The following ACOT7 variants were observed in gnomAD, a reference collection of about 807,000 sequenced individuals.
ACOT7 encodes the protein acyl-CoA thioesterase 7.
A neutral mutation model predicts 40.2 loss-of-function variants in ACOT7; 12 were observed. The observed-to-expected ratio is 0.30, with a 90% CI of 0.19 to 0.48. The LOEUF (loss-of-function observed/expected upper bound fraction) is 0.48. ACOT7 is among the 20% of genes least tolerant of loss of function. ACOT7 has a pLI of 0.99. For missense variants in ACOT7, 395 were observed against 530.8 expected (o/e 0.74, Z 2.51); for synonymous variants, 228 against 219.5 (o/e 1.04, Z -0.34).
chr1:6,355,992 G>C lies in ACOT7; in HGVS notation c.144-6126C>G, dbSNP rs976461171. Among the ~76,000 whole-genome samples, 4 of 152,218 alleles carry C rather than the reference G, an allele frequency of 2.6e-5. No individual in the cohort carries two copies. The highest frequency in any genetic ancestry group is 6.5e-5 in the Admixed American group (1 of 15,288). ...AAGCCACATGGAGCCTGAGTACTGG[G>C]TTGAATTGTGTCCCCCAAAAGATGT... On this transcript the variant is annotated intron_variant, in intron 1 of 8. Coordinates refer to ENST00000361521, the MANE Select transcript of ACOT7 (RefSeq NM_007274.4). This position sits in a 1 kb window ranked among gnomAD's most constrained non-coding sequence, Gnocchi z 5.0.
Position 6,393,448 on chromosome 1 carries a change from G to C in ACOT7, c.-49C>G. On this transcript the variant is annotated 5_prime_UTR_variant, in exon 1 of 9. Transcript: ENST00000361521. ...CGATGGGGCTGGTGAGGCGGGGCCT[G>C]CGCGCCGGGGGCAATCGAACGCGGC... is the stretch of plus-strand genomic sequence containing the variant. 1 of 1,065,162 alleles carries C rather than the reference G, an allele frequency of 9.4e-7. No homozygotes were observed. Among genetic ancestry groups the C allele is most frequent in the Non-Finnish European group, 1.1e-6 (1 of 906,774 alleles). 66.0% of individuals were successfully genotyped at this position (1,065,162 alleles called of 1,614,324 possible). A position where few individuals can be genotyped will look rare whatever the true frequency, so the allele number is the denominator to read the frequency against.
intron 2 of ACOT7, among the ~76,000 whole-genome samples, chr1:6,343,792 C>G (rs1641342522): frequency 6.6e-6 from 1 of 152,260 alleles, no homozygotes; most frequent in Non-Finnish European, 1.5e-5. Context: ...GTATGCTATG[C>G]TGACACAGAT....
chr1:6,339,636 C>T, intron 2 of ACOT7, 47 bp from the exon 3 acceptor site: 2 of 1,596,270 alleles, frequency 1.3e-6, no homozygotes, highest in Non-Finnish European at 1.7e-6. Context: ...CAGCCCAGCC[C>T]CGAGAGCCCC....
At position 6,306,282 on chromosome 1, in the gene ACOT7, T is replaced by C; in HGVS notation, c.713-11302A>G. On this transcript the variant is annotated intron_variant, in intron 6 of 8. Transcript: ENST00000361521. The surrounding 1 kb of genome is among the most constrained non-coding windows in gnomAD (Gnocchi z 4.3). Reference sequence around the variant, plus strand: ...CAAGACCTCAACCAAATACTCCATATTTCTGGAAAGGGGTCAGTGCCCCAT... The same window carrying C: ...CAAGACCTCAACCAAATACTCCATACTTCTGGAAAGGGGTCAGTGCCCCAT... The C allele has an allele frequency of 1.0e-6, 1 of 984,920 alleles. No individual in the cohort carries two copies. The highest frequency in any genetic ancestry group is 4.7e-5 in the South Asian group (1 of 21,246). 61.0% of individuals were successfully genotyped at this position (984,920 alleles called of 1,614,324 possible).
In ACOT7 at chr1:6,300,871, C is replaced by A. The variant is rs115696387; in HGVS notation, c.713-5891G>T. On this transcript the variant is annotated intron_variant, in intron 6 of 8. Transcript: ENST00000361521. ...CAACACCGGGTCTCACTGGACAACA[C>A]CCGATGAGGCAGCAGCCTCCCTGTC... Among the ~76,000 whole-genome samples, 1,306 of 152,298 alleles carry A rather than the reference C, an allele frequency of 8.6e-3. 12 individuals carry two copies. The highest frequency in any genetic ancestry group is 0.03 in the African/African-American group (1,246 of 41,526).
chr1:6,346,026 A>C (rs1468415913), intron 2 of ACOT7, among the ~76,000 whole-genome samples: 1 of 152,190 alleles, frequency 6.6e-6, no homozygotes, highest in Non-Finnish European at 1.5e-5. Context: ...CACTCTGTAC[A>C]AGCACAGCAG....
chr1:6,281,113 G>A lies in ACOT7; in HGVS notation c.1003C>T (p.Pro335Ser), dbSNP rs377058354. Residue 335 changes from proline (P) to serine (S), a missense_variant, in exon 8 of 9, where the codon CCC becomes TCC. Pro to Ser is a moderately conservative substitution (Grantham distance 74). Coordinates refer to ENST00000361521, the MANE Select transcript of ACOT7 (RefSeq NM_007274.4). ...LSQEGRSLPV[P>S]QLVPETEDEK... is the part of the protein sequence containing the mutation. ...GGATGCGCACTCACCACCAGCTGGG[G>A]CACAGGCAGCGACCTGCCTTCCTGG... 1.9e-6 allele frequency: 3 copies of A among 1,613,484 alleles called. 1 individual carries two copies. Among genetic ancestry groups the A allele is most frequent in the South Asian group, 2.2e-5 (2 of 91,064 alleles).
intron 4 of ACOT7, among the ~76,000 whole-genome samples, chr1:6,332,630 A>G (rs974026355): frequency 5.9e-5 from 9 of 152,158 alleles, no homozygotes; most frequent in Non-Finnish European, 1.2e-4. Flanking sequence ...CCTGGCTAAC[A>G]TGGAGAAATC....
At chr1:6,270,587 A>T (rs1054288768) in intron 8 of ACOT7, among the ~76,000 whole-genome samples, 2 of 152,354 alleles carry the variant, frequency 1.3e-5, no homozygotes, top group East Asian at 3.9e-4. Flanking sequence ...CAGCATGGCC[A>T]GGAGCAGGAC....
rs181421094 is a variant in ACOT7 at position 6,352,740 on chromosome 1, G to A, written c.144-2874C>T. ...TGGCACTACAGGCGCCCGCCACCAC[G>A]CCCGGCTAATTTTTTGCATTTTTTA... On this transcript the variant is annotated intron_variant, in intron 1 of 8. Coordinates refer to ENST00000361521, the MANE Select transcript of ACOT7 (RefSeq NM_007274.4). This position sits in a 1 kb window ranked among gnomAD's most constrained non-coding sequence, Gnocchi z 4.5. Among the ~76,000 whole-genome samples the A allele has an allele frequency of 8.9e-3, 1,346 of 151,536 alleles. 13 individuals are homozygous for A. Among genetic ancestry groups the A allele is most frequent in the African/African-American group, 0.031 (1,278 of 41,266 alleles).
intron 8 of ACOT7, among the ~76,000 whole-genome samples, chr1:6,270,548 C>T (rs763965233): frequency 1.3e-5 from 2 of 152,176 alleles, no homozygotes; most frequent in African/African-American, 2.4e-5. Flanking sequence ...CCATGTATCC[C>T]GGGCACCTGC....
At chr1:6,383,466 C>T (rs1461468094) in intron 1 of ACOT7, among the ~76,000 whole-genome samples, 7 of 150,016 alleles carry the variant, frequency 4.7e-5, no homozygotes, top group African/African-American at 7.4e-5. Context: ...GGATTACAGG[C>T]GTGAGTCACC....
intron 6 of ACOT7, among the ~76,000 whole-genome samples, chr1:6,309,235 T>TA (rs1327949369): frequency 2.0e-5 from 3 of 152,182 alleles, no homozygotes; most frequent in Non-Finnish European, 4.4e-5. Context: ...AGGCTGCAAC[T>TA]AGAGGGTGCT....
chr1:6,393,568 C>T lies in ACOT7; in HGVS notation c.-169G>A, dbSNP rs980113544. ...AGAGAGCTCGCGCGGGCGTACGATT[C>T]TGGCGGCGTGGGGGCCCAGGCAGCC... On this transcript the variant is annotated 5_prime_UTR_variant, in exon 1 of 9. Transcript: ENST00000361521. 8 of 546,422 alleles carry T rather than the reference C, an allele frequency of 1.5e-5. No homozygotes were observed. Among genetic ancestry groups the T allele is most frequent in the African/African-American group, 2.0e-5 (1 of 50,210 alleles). 33.8% of individuals were successfully genotyped at this position (546,422 alleles called of 1,614,324 possible). A position where few individuals can be genotyped will look rare whatever the true frequency, so the allele number is the denominator to read the frequency against.
chr1:6,336,983 G>C (rs948632663), intron 3 of ACOT7, among the ~76,000 whole-genome samples: 1 of 152,228 alleles, frequency 6.6e-6, no homozygotes, highest in African/African-American at 2.4e-5. Context: ...GGGCTCCAAG[G>C]CCTCCCTGCC....
intron 2 of ACOT7, among the ~76,000 whole-genome samples, chr1:6,346,485 G>A (rs887554380): frequency 6.6e-6 from 1 of 152,264 alleles, no homozygotes; most frequent in Non-Finnish European, 1.5e-5. Context: ...AGTCCGAGAA[G>A]AAGCAGAAAA....
intron 4 of ACOT7, among the ~76,000 whole-genome samples, chr1:6,332,048 C>T (rs1314414830): frequency 4.6e-5 from 7 of 152,226 alleles, no homozygotes; most frequent in African/African-American, 1.4e-4. Flanking sequence ...ACCCGGCAAA[C>T]GCTGGGGAGG....
intron 6 of ACOT7, among the ~76,000 whole-genome samples, chr1:6,309,372 G>A (rs902259168): frequency 6.6e-6 from 1 of 152,224 alleles, no homozygotes; most frequent in Non-Finnish European, 1.5e-5. Flanking sequence ...TATGGGGAGA[G>A]GAGGGACCCA....
intron 8 of ACOT7, among the ~76,000 whole-genome samples, chr1:6,272,443 TGA>T (rs1415075782): frequency 6.6e-6 from 1 of 152,070 alleles, no homozygotes; most frequent in Non-Finnish European, 1.5e-5. Flanking sequence ...AAAGATGAGA[TGA>T]GAGTGTCCAG....
Sources: allele counts gnomAD v4.1 joint callset (sites outside exome capture counted in the v4.1 genomes callset), GRCh38; gene constraint gnomAD v4.1.1; non-coding constraint Gnocchi (gnomAD v3.1); transcripts MANE v1.5; gene names NCBI Gene and HGNC (gene_info 2026-07-23, HGNC 2026-07-21).